BCAS3: variants seen among roughly 807,000 people sequenced by gnomAD.
BCAS3 encodes BCAS3 microtubule associated cell migration factor, also known as BCAS4/BCAS3 fusion.
BCAS3 carries 53 observed loss-of-function variants against 116.1 expected under a neutral mutation model. The observed-to-expected ratio is 0.46, with a 90% CI of 0.37 to 0.57. BCAS3 has a LOEUF of 0.57. Ranked by LOEUF, BCAS3 falls within the 20% of genes least tolerant of loss-of-function variation. The pLI is 0.00. For synonymous variants in BCAS3, 391 were observed against 408.2 expected (o/e 0.96, Z 0.51); for missense variants, 917 against 1,165.4 (o/e 0.79, Z 3.10).
At chr17:61,231,693 A>G (rs1269665343) in intron 22 of BCAS3, among the ~76,000 whole-genome samples, 1 of 152,022 alleles carries the variant, frequency 6.6e-6, no homozygotes, top group Non-Finnish European at 1.5e-5. Context: ...CCTGGGCAAC[A>G]TAGCAAGACA....
At chr17:60,719,473 G>T (rs2039009430) in intron 5 of BCAS3, among the ~76,000 whole-genome samples, 1 of 152,216 alleles carries the variant, frequency 6.6e-6, no homozygotes, top group Admixed American at 6.5e-5. Flanking sequence ...AGGAGTTTTT[G>T]ATGAGTATGT....
At position 61,286,532 on chromosome 17, in the gene BCAS3, T is replaced by C. The variant is rs562874110; in HGVS notation, c.2426-81795T>C. Among the ~76,000 whole-genome samples the C allele has an allele frequency of 6.6e-6, 1 of 152,320 alleles. No homozygotes were observed. Among genetic ancestry groups the C allele is most frequent in the East Asian group, 1.9e-4 (1 of 5,172 alleles). ...AGATTTTCTCACGTTAGCATGCTGCTGCTTGGTGCACGACCAAAAAGTAAC... is the reference window on the plus strand; with the variant it reads ...AGATTTTCTCACGTTAGCATGCTGCCGCTTGGTGCACGACCAAAAAGTAAC... On this transcript the variant is annotated intron_variant, in intron 22 of 23. Coordinates refer to ENST00000407086, the MANE Select transcript of BCAS3 (RefSeq NM_017679.5). This position sits in a 1 kb window ranked among gnomAD's most constrained non-coding sequence, Gnocchi z 4.8.
intron 22 of BCAS3, among the ~76,000 whole-genome samples, chr17:61,319,342 T>C (rs899528074): frequency 6.6e-6 from 1 of 152,214 alleles, no homozygotes; most frequent in Non-Finnish European, 1.5e-5. Flanking sequence ...TACATTAAAC[T>C]CCATTATATT....
chr17:61,125,747 A>T (rs2076017160), intron 22 of BCAS3, among the ~76,000 whole-genome samples: 1 of 152,174 alleles, frequency 6.6e-6, no homozygotes, highest in Non-Finnish European at 1.5e-5. Context: ...ATGTTCAACC[A>T]GACTTTTCCA....
In BCAS3 at chr17:61,278,859, G is replaced by T. The variant is rs1450507395; in HGVS notation, c.2426-89468G>T. The stretch of plus-strand genomic sequence containing the variant: ...GGAGGTAGTGGCTAAGTGGTACAGG[G>T]TTTCTTTTCAGAACAATCAAAATCT... On this transcript the variant is annotated intron_variant, in intron 22 of 23. Coordinates refer to ENST00000407086, the MANE Select transcript of BCAS3 (RefSeq NM_017679.5). The surrounding 1 kb of genome is among the most constrained non-coding windows in gnomAD (Gnocchi z 5.8). Among the ~76,000 whole-genome samples, 2 of 152,012 alleles carry T rather than the reference G, an allele frequency of 1.3e-5. No individual in the cohort carries two copies. Among genetic ancestry groups the T allele is most frequent in the South Asian group, 2.1e-4 (1 of 4,820 alleles).
chr17:60,681,925 T>G (rs2033205070), intron 2 of BCAS3, among the ~76,000 whole-genome samples: 1 of 151,952 alleles, frequency 6.6e-6, no homozygotes, highest in Non-Finnish European at 1.5e-5. Flanking sequence ...AGACAGGGTT[T>G]CTCCATGTTG....
At chr17:61,182,448 A>G (rs967900440) in intron 22 of BCAS3, among the ~76,000 whole-genome samples, 27 of 152,132 alleles carry the variant, frequency 1.8e-4, no homozygotes, top group African/African-American at 6.0e-4. Context: ...TAAATAACCA[A>G]GCTTGTCTTA....
At chr17:61,319,889 A>T (rs1316320800) in intron 22 of BCAS3, among the ~76,000 whole-genome samples, 18 of 125,192 alleles carry the variant, frequency 1.4e-4, no homozygotes, top group African/African-American at 2.5e-4. Flanking sequence ...TCTTTTTTTT[A>T]TTTTTTATTT....
intron 5 of BCAS3, among the ~76,000 whole-genome samples, chr17:60,710,576 C>T (rs980805822): frequency 2.0e-4 from 30 of 151,832 alleles, no homozygotes; most frequent in Middle Eastern, 3.4e-3. Context: ...GGACTATAGG[C>T]GCCCGCCACC....
chr17:61,125,541 A>AT (rs2076005844), intron 22 of BCAS3, among the ~76,000 whole-genome samples: 1 of 152,062 alleles, frequency 6.6e-6, no homozygotes, highest in Admixed American at 6.5e-5. Flanking sequence ...GACAAAAAAA[A>AT]TTTTTATCAA....
At chr17:61,304,796 C>T (rs1468484852) in intron 22 of BCAS3, among the ~76,000 whole-genome samples, 1 of 151,826 alleles carries the variant, frequency 6.6e-6, no homozygotes, top group Non-Finnish European at 1.5e-5. Context: ...TCTTGTCGCC[C>T]AGGTTGGAGT....
At chr17:60,709,397 C>A in intron 5 of BCAS3, 72 bp downstream of exon 5, 2 of 805,640 alleles carry the variant, frequency 2.5e-6, no homozygotes, top group East Asian at 3.0e-5. Context: ...TCTGTAGATA[C>A]TTTTTTTTTT....
chr17:61,302,098 C>G lies in BCAS3; in HGVS notation c.2426-66229C>G, dbSNP rs1002183621. Among the ~76,000 whole-genome samples the G allele has an allele frequency of 1.8e-4, 27 of 152,156 alleles. No individual in the cohort carries two copies. The highest frequency in any genetic ancestry group is 6.3e-4 in the African/African-American group (26 of 41,424). ...AGTCCTAAGAAAAAGTTGAGATTCTCTACACATACAGTCAGCTCATTACCT... is the reference window on the plus strand; with the variant it reads ...AGTCCTAAGAAAAAGTTGAGATTCTGTACACATACAGTCAGCTCATTACCT... On this transcript the variant is annotated intron_variant, in intron 22 of 23. Coordinates refer to ENST00000407086, the MANE Select transcript of BCAS3 (RefSeq NM_017679.5). The surrounding 1 kb of genome is among the most constrained non-coding windows in gnomAD (Gnocchi z 4.4).
At position 61,003,499 on chromosome 17, in the gene BCAS3, C is replaced by T. The variant is rs369297356; in HGVS notation, c.1487-12252C>T. Among the ~76,000 whole-genome samples, 250 of 150,352 alleles carry T rather than the reference C, an allele frequency of 1.7e-3. 3 individuals carry two copies. The highest frequency in any genetic ancestry group is 5.3e-3 in the African/African-American group (218 of 40,856). ...ATCGAGACAAGGTTTTGCCATTTTG[C>T]ACAATCTGGTCTCGATCTCCTGGTC... On this transcript the variant is annotated intron_variant, in intron 15 of 23. Transcript: ENST00000407086.
intron 22 of BCAS3, among the ~76,000 whole-genome samples, chr17:61,102,729 T>C (rs1166184162): frequency 6.6e-6 from 1 of 152,128 alleles, no homozygotes; most frequent in Non-Finnish European, 1.5e-5. Context: ...TGAGTTTCTT[T>C]GTCCATAAGA....
Position 61,124,930 on chromosome 17 carries a change from A to G in BCAS3, c.2425+40366A>G, listed in dbSNP as rs573008895. On this transcript the variant is annotated intron_variant, in intron 22 of 23. Coordinates refer to ENST00000407086, the MANE Select transcript of BCAS3 (RefSeq NM_017679.5). This position sits in a 1 kb window ranked among gnomAD's most constrained non-coding sequence, Gnocchi z 4.6. ...TTCCTGGAAATAGATACAGGTGACA[A>G]TGGCAAAGTGAGGAGTGGGGAGATG... 3.3e-5 allele frequency among the ~76,000 whole-genome samples: 5 copies of G among 152,326 alleles called. No homozygotes were observed. Among genetic ancestry groups the G allele is most frequent in the Admixed American group, 2.6e-4 (4 of 15,296 alleles).
chr17:61,054,526 C>G (rs1273489323), intron 19 of BCAS3, among the ~76,000 whole-genome samples: 1 of 152,164 alleles, frequency 6.6e-6, no homozygotes, highest in Non-Finnish European at 1.5e-5. Context: ...ACCACCATGC[C>G]TGGCTAGTTT....
chr17:61,271,424 A>ATTTTTTTTTTTTTTTTTT lies in BCAS3; in HGVS notation c.2426-96890_2426-96889insTTTTTTTTTTTTTTTTTT, dbSNP rs71148400. Among the ~76,000 whole-genome samples, 324 of 70,230 alleles carry ATTTTTTTTTTTTTTTTTT rather than the reference A, an allele frequency of 4.6e-3. 120 individuals are homozygous for ATTTTTTTTTTTTTTTTTT. The highest frequency in any genetic ancestry group is 0.017 in the East Asian group (32 of 1,886). 46.1% of individuals were successfully genotyped at this position (70,230 alleles called of 152,430 possible). A position where few individuals can be genotyped will look rare whatever the true frequency, so the allele number is the denominator to read the frequency against. Reference sequence around the variant, plus strand: ...TACAGGTGTAAGCCACCATGCCCGGATTTTTTTTTTTTTGTCTTAGGTGGA... The same window carrying ATTTTTTTTTTTTTTTTTT: ...TACAGGTGTAAGCCACCATGCCCGGATTTTTTTTTTTTTTTTTTTTTTTTTTTTTTTGTCTTAGGTGGA... On this transcript the variant is annotated intron_variant, in intron 22 of 23. Coordinates refer to ENST00000407086, the MANE Select transcript of BCAS3 (RefSeq NM_017679.5).
In BCAS3 at chr17:60,987,451, A is replaced by G. The variant is rs143195458; in HGVS notation, c.1222-2520A>G. The stretch of plus-strand genomic sequence containing the variant: ...AGGGTAGTATAGACATTTTAACAAT[A>G]TTGATTCTACCAATCCATAAACATG... On this transcript the variant is annotated intron_variant, in intron 14 of 23. Transcript: ENST00000407086. Among the ~76,000 whole-genome samples the G allele has an allele frequency of 4.6e-3, 696 of 152,112 alleles. 2 individuals carry two copies. The highest frequency in any genetic ancestry group is 6.9e-3 in the Non-Finnish European group (469 of 67,990).
Sources: allele counts gnomAD v4.1 joint callset (sites outside exome capture counted in the v4.1 genomes callset), GRCh38; gene constraint gnomAD v4.1.1; non-coding constraint Gnocchi (gnomAD v3.1); transcripts MANE v1.5; gene names NCBI Gene and HGNC (gene_info 2026-07-23, HGNC 2026-07-21).